The following CDH2 variants were observed in gnomAD, a reference collection of about 807,000 sequenced individuals.
CDH2 encodes cadherin-2.
Under a neutral mutation model 92.0 loss-of-function variants are expected in CDH2, and 17 were observed. That is an observed-to-expected ratio of 0.18 (90% CI 0.13 to 0.28). The LOEUF (loss-of-function observed/expected upper bound fraction) is 0.28. Among genes scored for constraint, CDH2 ranks in the 10% least tolerant of loss-of-function variants. CDH2 has a pLI of 1.00. For missense variants in CDH2, 862 were observed against 1,133.1 expected, an observed-to-expected ratio of 0.76 and a Z score of 3.44; for synonymous variants, 419 against 415.9, an observed-to-expected ratio of 1.01 and a Z score of -0.09.
At chr18:28,139,204 CAG>C (rs1300757131) in intron 2 of CDH2, among the ~76,000 whole-genome samples, 9 of 151,990 alleles carry the variant, frequency 5.9e-5, no homozygotes, top group Non-Finnish European at 1.3e-4. Flanking sequence ...TTAAAAAACG[CAG>C]ATTTTTAAAA....
At position 28,147,662 on chromosome 18, in the gene CDH2, T is replaced by G. The variant is rs944539210; in HGVS notation, c.172+11A>C. 319 of 1,485,140 alleles carry G rather than the reference T, an allele frequency of 2.1e-4. No individual in the cohort carries two copies. The highest frequency in any genetic ancestry group is 2.6e-4 in the Non-Finnish European group (283 of 1,069,116). The allele number at this position is 1,485,140 out of a possible 1,614,324, so 92.0% of individuals were successfully genotyped here. Reference sequence around the variant, plus strand: ...ACACTGCATGTACAAATATATCTTTTGAGATAGTACCATTGAGAAGAGGCT... The same window carrying G: ...ACACTGCATGTACAAATATATCTTTGGAGATAGTACCATTGAGAAGAGGCT... On this transcript the variant is annotated intron_variant, in intron 2 of 15. Transcript: ENST00000269141.
chr18:28,175,564 A>C lies in CDH2; in HGVS notation c.60+1399T>G, dbSNP rs1460580380. ...ACGACCGTCTAGGGGTTGCGGGAGAAAGCGCGAGAGACTGCGGAGGCCAGC... is the reference window on the plus strand; with the variant it reads ...ACGACCGTCTAGGGGTTGCGGGAGACAGCGCGAGAGACTGCGGAGGCCAGC... On this transcript the variant is annotated intron_variant, in intron 1 of 15. Transcript: ENST00000269141. 2.6e-5 allele frequency among the ~76,000 whole-genome samples: 4 copies of C among 152,094 alleles called. No individual in the cohort carries two copies. In the East Asian group the frequency reaches 7.8e-4, roughly 30 times the overall value.
intron 3 of CDH2, among the ~76,000 whole-genome samples, chr18:28,013,197 T>G (rs897343403): frequency 1.3e-5 from 2 of 151,986 alleles, no homozygotes; most frequent in African/African-American, 4.8e-5. Context: ...CCAGAGGGAG[T>G]ATATCATTCC....
chr18:28,056,461 G>A (rs543875797), intron 2 of CDH2, among the ~76,000 whole-genome samples: 1 of 152,164 alleles, frequency 6.6e-6, no homozygotes, highest in South Asian at 2.1e-4. Flanking sequence ...GAATCCTTGC[G>A]CTTCATTTTG....
Position 28,036,471 on chromosome 18 carries a change from T to G in CDH2, c.173-22562A>C, listed in dbSNP as rs542657098. On this transcript the variant is annotated intron_variant, in intron 2 of 15. Coordinates refer to ENST00000269141, the MANE Select transcript of CDH2 (RefSeq NM_001792.5). ...AATGAATAAGGCAATTTTTGTTACC[T>G]GAAAGGAAAACATACAATTCTGCTT... The G allele has an allele frequency of 2.5e-5, 39 of 1,534,898 alleles. No homozygotes were observed. The Admixed American group carries it at 5.5e-4, about 22-fold the overall frequency.
intron 2 of CDH2, among the ~76,000 whole-genome samples, chr18:28,105,110 G>A (rs1027664432): frequency 1.4e-4 from 22 of 151,914 alleles, no homozygotes; most frequent in African/African-American, 5.1e-4. Flanking sequence ...TAATCTTTCC[G>A]GAACTCATTT....
chr18:27,990,610 A>C (rs1162693023), intron 9 of CDH2, among the ~76,000 whole-genome samples: 2 of 152,224 alleles, frequency 1.3e-5, no homozygotes, highest in Non-Finnish European at 2.9e-5. Context: ...GCACAGATTT[A>C]TTTATTTAGG....
At chr18:28,007,931 A>C (rs914066686) in intron 5 of CDH2, among the ~76,000 whole-genome samples, 2 of 152,092 alleles carry the variant, frequency 1.3e-5, no homozygotes, top group Non-Finnish European at 2.9e-5. Context: ...ACAGGGTTTC[A>C]CCATGTTGGC....
intron 14 of CDH2, among the ~76,000 whole-genome samples, chr18:27,972,985 G>A (rs2143917936): frequency 6.6e-6 from 1 of 152,260 alleles, no homozygotes; most frequent in African/African-American, 2.4e-5. Context: ...AAGTGTGAGA[G>A]TGTGGTACAG....
At position 28,011,769 on chromosome 18, in the gene CDH2, T is replaced by TA. The variant is rs545005655; in HGVS notation, c.546+76dup. ...TATACATGTCATAAATTCTACTTTG[T>TA]AAAAAAAATAGACAGAAATATTTTT... On this transcript the variant is annotated intron_variant, in intron 4 of 15. Transcript: ENST00000269141. The TA allele has an allele frequency of 1.5e-3, 2,073 of 1,412,716 alleles. 4 individuals carry two copies. Among genetic ancestry groups the TA allele is most frequent in the Non-Finnish European group, 1.8e-3 (1,817 of 1,019,144 alleles). 87.5% of individuals were successfully genotyped at this position (1,412,716 alleles called of 1,614,324 possible). A position where few individuals can be genotyped will look rare whatever the true frequency, so the allele number is the denominator to read the frequency against.
At chr18:28,047,653 G>A (rs2014103983) in intron 2 of CDH2, among the ~76,000 whole-genome samples, 2 of 152,148 alleles carry the variant, frequency 1.3e-5, no homozygotes, top group Admixed American at 6.5e-5. Flanking sequence ...TGGATCACGA[G>A]GTCAGGAGAT....
intron 2 of CDH2, among the ~76,000 whole-genome samples, chr18:28,119,478 T>A (rs2015550651): frequency 6.6e-6 from 1 of 152,134 alleles, no homozygotes; most frequent in Non-Finnish European, 1.5e-5. Flanking sequence ...ATTAAAATTC[T>A]AGAATTTGAG....
chr18:28,039,195 C>T (rs2013898897), intron 2 of CDH2, among the ~76,000 whole-genome samples: 1 of 152,094 alleles, frequency 6.6e-6, no homozygotes, highest in Admixed American at 6.6e-5. Context: ...GCTAGCAAGT[C>T]CATAACCTAC....
intron 2 of CDH2, among the ~76,000 whole-genome samples, chr18:28,130,168 G>A (rs1598495338): frequency 6.6e-6 from 1 of 152,136 alleles, no homozygotes; most frequent in African/African-American, 2.4e-5. Flanking sequence ...CAGAAGCATC[G>A]TGATCATTTT....
chr18:28,114,902 T>A (rs1266441170), intron 2 of CDH2, among the ~76,000 whole-genome samples: 1 of 151,676 alleles, frequency 6.6e-6, no homozygotes, highest in African/African-American at 2.4e-5. Flanking sequence ...AAAAAAAAAA[T>A]TATAAAAAAA....
chr18:28,064,795 A>G (rs2144153795), intron 2 of CDH2, among the ~76,000 whole-genome samples: 1 of 152,190 alleles, frequency 6.6e-6, no homozygotes, highest in East Asian at 1.9e-4. Context: ...TTCTTCGGAG[A>G]TCTCTTGAGA....
chr18:28,043,495 A>C (rs62103083), intron 2 of CDH2, among the ~76,000 whole-genome samples: 4 of 87,404 alleles, frequency 4.6e-5, no homozygotes, highest in African/African-American at 1.5e-4. Flanking sequence ...TATATATATA[A>C]ATATATATAT....
intron 14 of CDH2, among the ~76,000 whole-genome samples, chr18:27,982,560 C>T (rs912367132): frequency 2.6e-5 from 4 of 152,098 alleles, no homozygotes; most frequent in African/African-American, 9.7e-5. Flanking sequence ...TTGGTAAATA[C>T]TTGGGGAATA....
At chr18:27,939,937 T>C (rs1331730500) in intron 6 of CDH2, among the ~76,000 whole-genome samples, 1 of 152,176 alleles carries the variant, frequency 6.6e-6, no homozygotes, top group Non-Finnish European at 1.5e-5. Flanking sequence ...TCCAGTGGCA[T>C]ATCTATACTG....
Sources: allele counts gnomAD v4.1 joint callset (sites outside exome capture counted in the v4.1 genomes callset), GRCh38; gene constraint gnomAD v4.1.1; transcripts MANE v1.5; gene names NCBI Gene and HGNC (gene_info 2026-07-23, HGNC 2026-07-21).